Variants in NLGN4X observed in about 807,000 individuals in gnomAD.
NLGN4X encodes the protein neuroligin 4 X-linked, also known as neuroligin-4, X-linked.
A neutral mutation model predicts 40.3 loss-of-function variants in NLGN4X; 3 were observed. The ratio of observed to expected loss-of-function variants is 0.07; its 90% CI spans 0.03 to 0.19. The LOEUF is 0.19. Ranked by LOEUF, NLGN4X falls within the 10% of genes least tolerant of loss-of-function variation. The pLI is 1.00. For synonymous variants in NLGN4X, 270 were observed against 306.8 expected, an observed-to-expected ratio of 0.88 and a Z score of 1.25; for missense variants, 382 against 708.3, an observed-to-expected ratio of 0.54 and a Z score of 5.23.
At chrX:5,972,622 A>T (rs1198339879) in intron 3 of NLGN4X, among the ~76,000 whole-genome samples, 2 of 111,793 alleles carry the variant, frequency 1.8e-5, no homozygotes, top group East Asian at 2.8e-4. Context: ...AGATTCATAC[A>T]GAAGTTAGTC....
intron 3 of NLGN4X, among the ~76,000 whole-genome samples, chrX:5,989,837 T>C (rs1001739745): frequency 2.7e-5 from 3 of 111,677 alleles, no homozygotes; most frequent in Non-Finnish European, 5.6e-5. Context: ...GCAATGTTTT[T>C]TCCTATACCT....
chrX:6,134,329 C>T (rs1258976797), intron 2 of NLGN4X, among the ~76,000 whole-genome samples: 3 of 111,811 alleles, frequency 2.7e-5, no homozygotes, highest in Admixed American at 9.5e-5. Flanking sequence ...CAGCCTTGAA[C>T]GTGCTCCTCT....
chrX:6,177,668 G>A (rs1920987236), intron 1 of NLGN4X, among the ~76,000 whole-genome samples: 2 of 111,520 alleles, frequency 1.8e-5, no homozygotes, highest in African/African-American at 6.5e-5. Context: ...AAAATACCAG[G>A]AGACATTAAT....
intron 1 of NLGN4X, among the ~76,000 whole-genome samples, chrX:6,196,354 G>A (rs779371339): frequency 7.3e-5 from 8 of 109,940 alleles, no homozygotes; most frequent in South Asian, 8.0e-4. Context: ...GATCAAGACC[G>A]TCCTGGCTAA....
At chrX:5,986,806 G>A (rs1267799399) in intron 3 of NLGN4X, among the ~76,000 whole-genome samples, 3 of 111,418 alleles carry the variant, frequency 2.7e-5, no homozygotes, top group African/African-American at 9.8e-5. Context: ...ACACACAATG[G>A]GTTTCCATGT....
chrX:5,890,384 C>T lies in NLGN4X; in HGVS notation c.*2433G>A, dbSNP rs1473145218. On this transcript the variant is annotated 3_prime_UTR_variant, in exon 6 of 6. Transcript: ENST00000381095. ...AAGATGTACTAAAATCACTTTTGAT[C>T]ATAATCCCCTGTAAAAGCTAAAGTT... The T allele has an allele frequency of 4.3e-6, 1 of 233,571 alleles. No individual in the cohort carries two copies. Among genetic ancestry groups the T allele is most frequent in the African/African-American group, 3.0e-5 (1 of 33,597 alleles). 19.2% of individuals were successfully genotyped at this position (233,571 alleles called of 1,213,427 possible).
At chrX:5,940,873 T>A (rs1412172531) in intron 3 of NLGN4X, among the ~76,000 whole-genome samples, 1 of 110,862 alleles carries the variant, frequency 9.0e-6, no homozygotes, top group Non-Finnish European at 1.9e-5. Context: ...TCTCAGCACT[T>A]TGGGAGGCTG....
chrX:6,121,039 T>C (rs1004084870), intron 2 of NLGN4X, among the ~76,000 whole-genome samples: 1 of 111,109 alleles, frequency 9.0e-6, no homozygotes, highest in African/African-American at 3.3e-5. Flanking sequence ...TTTTAAATGA[T>C]TCACAATGAG....
At chrX:6,021,002 T>TTCTCTCTCTCTCTCTC (rs869309615) in intron 3 of NLGN4X, among the ~76,000 whole-genome samples, 1 of 24,123 alleles carries the variant, frequency 4.1e-5, no homozygotes, top group Non-Finnish European at 7.4e-5. Flanking sequence ...CTTCCTTCTT[T>TTCTCTCTCTCTCTCTC]TCTCTCTCTC....
At chrX:6,021,002 T>TTCTTTCTTTC (rs2036516851) in intron 3 of NLGN4X, among the ~76,000 whole-genome samples, 5 of 24,125 alleles carry the variant, frequency 2.1e-4, no homozygotes, top group Non-Finnish European at 3.7e-4. Flanking sequence ...CTTCCTTCTT[T>TTCTTTCTTTC]TCTCTCTCTC....
At chrX:5,920,696 A>G (rs1300232427) in intron 3 of NLGN4X, among the ~76,000 whole-genome samples, 1 of 111,292 alleles carries the variant, frequency 9.0e-6, no homozygotes, top group Non-Finnish European at 1.9e-5. Context: ...GTCAGTTGTA[A>G]CCAAGTTATT....
intron 2 of NLGN4X, among the ~76,000 whole-genome samples, chrX:6,079,641 CTAAA>C (rs1327491275): frequency 1.8e-5 from 2 of 112,107 alleles, no homozygotes; most frequent in East Asian, 5.6e-4. Context: ...AGAGTAGGCA[CTAAA>C]TAAACACTTG....
At chrX:6,163,087 G>A (rs754077273) in intron 1 of NLGN4X, among the ~76,000 whole-genome samples, 85 of 111,332 alleles carry the variant, frequency 7.6e-4, no homozygotes, top group African/African-American at 2.6e-3. Context: ...TTTGCCTTCC[G>A]CCATGTAAGA....
In NLGN4X at chrX:5,993,432, A is replaced by G. The variant is rs185175787; in HGVS notation, c.625+35848T>C. ...ATTGTTATGGATGAGTGTCCTACGA[A>G]TTGTAGGATGTTGAACAGTAACCGT... On this transcript the variant is annotated intron_variant, in intron 3 of 5. Transcript: ENST00000381095. Among the ~76,000 whole-genome samples, 4 of 112,098 alleles carry G rather than the reference A, an allele frequency of 3.6e-5. No homozygotes were observed. In the Admixed American group the frequency reaches 3.8e-4, roughly 11 times the overall value.
chrX:6,116,130 C>A (rs1014315193), intron 2 of NLGN4X, among the ~76,000 whole-genome samples: 3 of 105,233 alleles, frequency 2.9e-5, no homozygotes, highest in Middle Eastern at 4.8e-3. Flanking sequence ...CGTCTCTACT[C>A]AAAATACAAA....
At chrX:6,120,360 T>C (rs1445531964) in intron 2 of NLGN4X, among the ~76,000 whole-genome samples, 2 of 111,771 alleles carry the variant, frequency 1.8e-5, no homozygotes, top group Admixed American at 1.9e-4. Flanking sequence ...AAAGAAAAAT[T>C]TCTTTGTTGA....
At chrX:6,050,114 C>A (rs2037444003) in intron 2 of NLGN4X, among the ~76,000 whole-genome samples, 1 of 111,891 alleles carries the variant, frequency 8.9e-6, no homozygotes, top group African/African-American at 3.3e-5. Flanking sequence ...CTTCCTCCCA[C>A]TGTAAAATGA....
chrX:6,215,406 A>T (rs2040827430), intron 1 of NLGN4X, among the ~76,000 whole-genome samples: 1 of 110,607 alleles, frequency 9.0e-6, no homozygotes, highest in Non-Finnish European at 1.9e-5. Flanking sequence ...AAAATTAGCC[A>T]GCAGTGGTGG....
intron 3 of NLGN4X, among the ~76,000 whole-genome samples, chrX:5,999,151 C>G (rs1163077414): frequency 9.0e-6 from 1 of 111,377 alleles, no homozygotes; most frequent in Non-Finnish European, 1.9e-5. Flanking sequence ...CCCCACTGAT[C>G]TTTTGTGGTT....
Sources: allele counts gnomAD v4.1 joint callset (sites outside exome capture counted in the v4.1 genomes callset), GRCh38; gene constraint gnomAD v4.1.1; transcripts MANE v1.5; gene names NCBI Gene and HGNC (gene_info 2026-07-23, HGNC 2026-07-21).